Variants in ADTRP observed in about 807,000 individuals in gnomAD.
ADTRP encodes the protein androgen-dependent TFPI-regulating protein.
A neutral mutation model predicts 27.0 loss-of-function variants in ADTRP; 20 were observed. That is an observed-to-expected ratio of 0.74 (90% CI 0.52 to 1.08). The LOEUF (loss-of-function observed/expected upper bound fraction) is 1.08. Ranked by LOEUF, ADTRP falls within the 50% of genes least tolerant of loss-of-function variation. The pLI, the probability that ADTRP is intolerant of heterozygous loss-of-function variation, is 0.00. For missense variants in ADTRP, 251 were observed against 275.0 expected, an observed-to-expected ratio of 0.91 and a Z score of 0.62; for synonymous variants, 101 against 105.2, an observed-to-expected ratio of 0.96 and a Z score of 0.25.
At chr6:11,719,091 C>A (rs551549774) in intron 5 of ADTRP, among the ~76,000 whole-genome samples, 2 of 152,354 alleles carry the variant, frequency 1.3e-5, no homozygotes, top group East Asian at 3.9e-4. Flanking sequence ...ACCACCAACA[C>A]CCTTCTCAGT....
At chr6:11,764,894 TAAAAAAA>T (rs34204085) in intron 3 of ADTRP, among the ~76,000 whole-genome samples, 2 of 122,358 alleles carry the variant, frequency 1.6e-5, no homozygotes, top group East Asian at 2.3e-4. Context: ...TACCATTTCT[TAAAAAAA>T]AAAAAAAAAA....
chr6:11,720,228 C>G (rs1201514205), intron 5 of ADTRP, among the ~76,000 whole-genome samples: 1 of 152,180 alleles, frequency 6.6e-6, no homozygotes, highest in African/African-American at 2.4e-5. Flanking sequence ...GAATACGTGG[C>G]TATCTATAAG....
chr6:11,750,684 G>T (rs932227893), intron 3 of ADTRP, among the ~76,000 whole-genome samples: 1 of 152,142 alleles, frequency 6.6e-6, no homozygotes, highest in Non-Finnish European at 1.5e-5. Context: ...TTACATAGCA[G>T]CCTGTCCCTA....
At chr6:11,735,831 C>T (rs1762531788) in intron 3 of ADTRP, 148 bp from the exon 4 acceptor site, 2 of 619,012 alleles carry the variant, frequency 3.2e-6, no homozygotes, top group South Asian at 4.0e-5. Context: ...CAAGGACCTA[C>T]CGTGGCTCCC....
intron 3 of ADTRP, among the ~76,000 whole-genome samples, chr6:11,765,323 GTTTTTTT>G (rs34943978): frequency 8.4e-6 from 1 of 119,142 alleles, no homozygotes; most frequent in South Asian, 2.6e-4. Context: ...CCCCTGGTTT[GTTTTTTT>G]TTTTTTTTTT....
chr6:11,715,597 AT>A (rs1468249690), intron 5 of ADTRP, among the ~76,000 whole-genome samples: 1 of 146,020 alleles, frequency 6.8e-6, no homozygotes, highest in African/African-American at 2.6e-5. Flanking sequence ...AGCTTTATGG[AT>A]TTCACGTTGT....
intron 3 of ADTRP, among the ~76,000 whole-genome samples, chr6:11,763,336 A>T (rs1394121975): frequency 6.6e-6 from 1 of 152,248 alleles, no homozygotes; most frequent in Non-Finnish European, 1.5e-5. Context: ...ACTACTCATA[A>T]CAACTGGGGC....
At chr6:11,778,463 C>G in intron 1 of ADTRP, 144 bp downstream of exon 1, 1 of 1,208,518 alleles carries the variant, frequency 8.3e-7, no homozygotes, top group Non-Finnish European at 1.1e-6. Context: ...GTTAAGTAAA[C>G]AAAAAACCCA....
At chr6:11,755,514 G>A (rs1002559542) in intron 3 of ADTRP, among the ~76,000 whole-genome samples, 1 of 152,212 alleles carries the variant, frequency 6.6e-6, no homozygotes, top group African/African-American at 2.4e-5. Flanking sequence ...TCCTCTGGAC[G>A]TGTTCACTAT....
At chr6:11,747,176 A>G (rs1165249778) in intron 3 of ADTRP, among the ~76,000 whole-genome samples, 6 of 152,194 alleles carry the variant, frequency 3.9e-5, no homozygotes, top group Non-Finnish European at 8.8e-5. Context: ...GAAAAACTGA[A>G]ACAAAATTTC....
intron 1 of ADTRP, among the ~76,000 whole-genome samples, chr6:11,771,286 C>T (rs1445866151): frequency 1.3e-5 from 2 of 152,226 alleles, no homozygotes; most frequent in Admixed American, 6.5e-5. Context: ...GCCCTGTCGC[C>T]ATCGAGCTTA....
intron 5 of ADTRP, among the ~76,000 whole-genome samples, chr6:11,716,243 G>A (rs567877638): frequency 6.6e-6 from 1 of 152,222 alleles, no homozygotes; most frequent in South Asian, 2.1e-4. Context: ...AAGCCCTCAA[G>A]CCTAACTGTA....
intron 3 of ADTRP, among the ~76,000 whole-genome samples, chr6:11,740,291 A>C (rs1336896183): frequency 6.6e-6 from 1 of 152,184 alleles, no homozygotes; most frequent in Non-Finnish European, 1.5e-5. Flanking sequence ...GTACTTACGG[A>C]TAAATATTTT....
At chr6:11,727,677 G>A (rs1034466359) in intron 4 of ADTRP, among the ~76,000 whole-genome samples, 56 of 152,266 alleles carry the variant, frequency 3.7e-4, no homozygotes, top group African/African-American at 1.3e-3. Context: ...GAAAGTTCCC[G>A]AGGTAAGCTA....
intron 3 of ADTRP, among the ~76,000 whole-genome samples, chr6:11,749,740 T>C (rs190069242): frequency 4.6e-5 from 7 of 152,128 alleles, no homozygotes; most frequent in South Asian, 2.1e-4. Context: ...ATGGAGATAA[T>C]TGGTGACTAG....
At chr6:11,724,089 A>C (rs72819637) in intron 4 of ADTRP, among the ~76,000 whole-genome samples, 2 of 151,772 alleles carry the variant, frequency 1.3e-5, no homozygotes, top group Admixed American at 6.6e-5. Flanking sequence ...AAACAAACAA[A>C]CATAGAACCA....
intron 3 of ADTRP, among the ~76,000 whole-genome samples, chr6:11,747,300 C>T (rs1030246073): frequency 6.6e-6 from 1 of 152,216 alleles, no homozygotes; most frequent in Admixed American, 6.5e-5. Context: ...TTATTCATAA[C>T]CAATTTGTAC....
intron 1 of ADTRP, 35 bp from the exon 2 acceptor site, chr6:11,768,418 T>C: frequency 6.2e-7 from 1 of 1,611,680 alleles, no homozygotes. Context: ...GCATTTTCAT[T>C]TACTTTAATT....
At chr6:11,726,294 C>T (rs768729214) in intron 4 of ADTRP, among the ~76,000 whole-genome samples, 29 of 152,136 alleles carry the variant, frequency 1.9e-4, no homozygotes, top group Non-Finnish European at 4.1e-4. Flanking sequence ...CGTACCAAAA[C>T]TCATGTTGAA....
Sources: allele counts gnomAD v4.1 joint callset (sites outside exome capture counted in the v4.1 genomes callset), GRCh38; gene constraint gnomAD v4.1.1; transcripts MANE v1.5; gene names NCBI Gene and HGNC (gene_info 2026-07-23, HGNC 2026-07-21).